Variants in SV2C observed in about 807,000 individuals in gnomAD.
SV2C encodes synaptic vesicle glycoprotein 2C.
A neutral mutation model predicts 79.7 loss-of-function variants in SV2C; 49 were observed. The ratio of observed to expected loss-of-function variants is 0.61; its 90% CI spans 0.49 to 0.78. The LOEUF (loss-of-function observed/expected upper bound fraction) is 0.78, where lower values mean the gene tolerates loss of function less well. SV2C is among the 30% of genes least tolerant of loss of function. The pLI, the probability that SV2C is intolerant of heterozygous loss-of-function variation, is 0.00. For missense variants in SV2C, 833 were observed against 912.9 expected, an observed-to-expected ratio of 0.91 and a Z score of 1.13; for synonymous variants, 334 against 333.2, an observed-to-expected ratio of 1.00 and a Z score of -0.03.
the SV2C span, among the ~76,000 whole-genome samples, chr5:75,852,212 T>C: frequency 2.0e-5 from 3 of 152,174 alleles, no homozygotes; most frequent in Middle Eastern, 3.4e-3. Context: ...ATACCTAATA[T>C]AGATGATGAG....
intron 3 of SV2C, among the ~76,000 whole-genome samples, chr5:76,198,987 G>A (rs561872457): frequency 4.0e-4 from 61 of 152,234 alleles, no homozygotes; most frequent in African/African-American, 1.4e-3. Flanking sequence ...CAAGGGGCTT[G>A]GGAATCTCAA....
intron 2 of SV2C, among the ~76,000 whole-genome samples, chr5:76,179,442 C>T (rs1268830908): frequency 6.6e-6 from 1 of 152,150 alleles, no homozygotes; most frequent in Non-Finnish European, 1.5e-5. Flanking sequence ...TTTTCTTACT[C>T]TCAAAGTGAC....
the SV2C span, among the ~76,000 whole-genome samples, chr5:75,856,407 C>A: frequency 6.6e-6 from 1 of 152,178 alleles, no homozygotes; most frequent in Non-Finnish European, 1.5e-5. Context: ...TTGCCACCAA[C>A]AGTGTGCAAG....
At chr5:76,146,738 C>T (rs1010829351) in intron 2 of SV2C, among the ~76,000 whole-genome samples, 2 of 123,596 alleles carry the variant, frequency 1.6e-5, no homozygotes, top group Non-Finnish European at 3.2e-5. Flanking sequence ...ATGTCTCTGA[C>T]ATGGGGGCTA....
chr5:76,231,472 A>G (rs1745418636), intron 4 of SV2C, among the ~76,000 whole-genome samples: 1 of 151,756 alleles, frequency 6.6e-6, no homozygotes, highest in Non-Finnish European at 1.5e-5. Flanking sequence ...GTTTTAGGGT[A>G]CATGTGCACA....
At chr5:76,026,086 A>G in the SV2C span, among the ~76,000 whole-genome samples, 1 of 152,112 alleles carries the variant, frequency 6.6e-6, no homozygotes, top group African/African-American at 2.4e-5. Context: ...AGCCAATTAT[A>G]GTTGGAAATG....
rs1160864669 is a variant in SV2C at position 76,179,741 on chromosome 5, C to A, written c.581-15178C>A. Among the ~76,000 whole-genome samples the A allele has an allele frequency of 2.0e-5, 3 of 152,200 alleles. No individual in the cohort carries two copies. In the East Asian group the frequency reaches 5.8e-4, roughly 29 times the overall value. On this transcript the variant is annotated intron_variant, in intron 2 of 12. Coordinates refer to ENST00000502798, the MANE Select transcript of SV2C (RefSeq NM_014979.4). ...ATCAGCAATGGATTAGGGGCAACAT[C>A]CATTAGTGCAAGGTAGATCCCGCTA...
chr5:76,241,429 G>T (rs1184278251), intron 4 of SV2C, among the ~76,000 whole-genome samples: 4 of 152,148 alleles, frequency 2.6e-5, no homozygotes, highest in African/African-American at 9.7e-5. Context: ...CATTTAGCAT[G>T]TTGTTTAACA....
chr5:76,124,212 ACT>A (rs1286536341), intron 1 of SV2C, among the ~76,000 whole-genome samples: 1 of 151,912 alleles, frequency 6.6e-6, no homozygotes, highest in Non-Finnish European at 1.5e-5. Flanking sequence ...CATCTCCATC[ACT>A]CTGTTCATCT....
the SV2C span, among the ~76,000 whole-genome samples, chr5:76,015,771 T>C: frequency 6.6e-6 from 1 of 152,124 alleles, no homozygotes; most frequent in East Asian, 1.9e-4. Context: ...TGCGGCAAAA[T>C]CATTTAAATA....
At chr5:76,151,058 A>C (rs17747008) in intron 2 of SV2C, among the ~76,000 whole-genome samples, 1 of 152,154 alleles carries the variant, frequency 6.6e-6, no homozygotes, top group Non-Finnish European at 1.5e-5. Context: ...ATGACACAGG[A>C]AGCAAAGGAC....
At chr5:76,178,533 A>G (rs930491742) in intron 2 of SV2C, among the ~76,000 whole-genome samples, 5 of 152,248 alleles carry the variant, frequency 3.3e-5, no homozygotes, top group Admixed American at 2.6e-4. Flanking sequence ...TTATTTTACT[A>G]AGGAAGAACA....
intron 2 of SV2C, among the ~76,000 whole-genome samples, chr5:76,188,240 G>A (rs1356078479): frequency 6.6e-6 from 1 of 152,182 alleles, no homozygotes; most frequent in Non-Finnish European, 1.5e-5. Context: ...TAACCTGGGT[G>A]ACAGAGTGAG....
the SV2C span, among the ~76,000 whole-genome samples, chr5:75,854,313 G>A: frequency 6.6e-6 from 1 of 152,150 alleles, no homozygotes; most frequent in South Asian, 2.1e-4. Context: ...TGTGGATGAA[G>A]CTGCAAAGAA....
chr5:75,937,220 TC>T, the SV2C span, among the ~76,000 whole-genome samples: 2 of 152,372 alleles, frequency 1.3e-5, no homozygotes, highest in African/African-American at 4.8e-5. Flanking sequence ...GGAGCAAGCA[TC>T]TTTTCTATGC....
chr5:76,101,158 C>T (rs574397751), intron 1 of SV2C, among the ~76,000 whole-genome samples: 2 of 151,980 alleles, frequency 1.3e-5, no homozygotes, highest in Non-Finnish European at 2.9e-5. Flanking sequence ...GCGAGTGATC[C>T]TCTTGGTCTG....
the SV2C span, among the ~76,000 whole-genome samples, chr5:76,033,251 A>T: frequency 6.6e-6 from 1 of 151,668 alleles, no homozygotes; most frequent in African/African-American, 2.4e-5. Context: ...CTTTAGTTTA[A>T]TTAGATCCCA....
At chr5:75,950,404 T>C in the SV2C span, among the ~76,000 whole-genome samples, 1 of 152,040 alleles carries the variant, frequency 6.6e-6, no homozygotes, top group African/African-American at 2.4e-5. Context: ...GAAGTTATTG[T>C]CCATCTTGTG....
intron 2 of SV2C, among the ~76,000 whole-genome samples, chr5:76,162,091 T>C (rs1272696425): frequency 6.6e-6 from 1 of 152,120 alleles, no homozygotes; most frequent in African/African-American, 2.4e-5. Context: ...AAAAAAAAGC[T>C]ATTTTCAGAG....
Sources: allele counts gnomAD v4.1 joint callset (sites outside exome capture counted in the v4.1 genomes callset), GRCh38; gene constraint gnomAD v4.1.1; transcripts MANE v1.5; gene names NCBI Gene and HGNC (gene_info 2026-07-23, HGNC 2026-07-21).